Variants in APC observed in about 807,000 individuals in gnomAD.
APC encodes the protein adenomatous polyposis coli protein.
In APC, 72 loss-of-function variants were observed where a neutral mutation model predicts 247.0. That is an observed-to-expected ratio of 0.29 (90% confidence interval 0.24 to 0.35). The LOEUF is 0.35. APC is among the 10% of genes least tolerant of loss of function. APC has a pLI of 1.00. For synonymous variants in APC, 1,254 were observed against 1,162.5 expected, an observed-to-expected ratio of 1.08 and a Z score of -1.60; for missense variants, 3,400 against 3,360.7, an observed-to-expected ratio of 1.01 and a Z score of -0.29.
In APC at chr5:112,761,159, A is replaced by G. The variant is rs996129258; in HGVS notation, c.136-5167A>G. Among the ~76,000 whole-genome samples, 7 of 152,200 alleles carry G rather than the reference A, an allele frequency of 4.6e-5. 1 individual carries two copies. Among genetic ancestry groups the G allele is most frequent in the Admixed American group, 3.9e-4 (6 of 15,284 alleles). On this transcript the variant is annotated intron_variant, in intron 2 of 15. Transcript: ENST00000257430. ...ATTGGATTGAGGAGATCAGACCCCA[A>G]CAATGGAAAAGGCAGACTCTCTAGA...
chr5:112,831,175 C>A (rs1213355717), intron 14 of APC, among the ~76,000 whole-genome samples: 8 of 151,482 alleles, frequency 5.3e-5, no homozygotes. Context: ...GTGGCAGGAT[C>A]TCGGCTAACT....
intron 6 of APC, among the ~76,000 whole-genome samples, chr5:112,791,290 C>T (rs942199552): frequency 6.6e-6 from 1 of 152,134 alleles, no homozygotes; most frequent in Non-Finnish European, 1.5e-5. Context: ...CTTTATGATC[C>T]TAGTGTTGGA....
chr5:112,792,298 T>C (rs1283966210), intron 6 of APC, 148 bp from the exon 7 acceptor site: 14 of 524,374 alleles, frequency 2.7e-5, no homozygotes, highest in Non-Finnish European at 4.7e-5. Flanking sequence ...AATTTGTTAT[T>C]AAAGGGTGAA....
At chr5:112,831,254 A>G (rs1389826004) in intron 14 of APC, among the ~76,000 whole-genome samples, 1 of 152,104 alleles carries the variant, frequency 6.6e-6, no homozygotes, top group Non-Finnish European at 1.5e-5. Context: ...GATTATAGGC[A>G]TGCGCCACCA....
intron 1 of APC, 48 bp downstream of exon 1, chr5:112,737,973 G>T (rs1322682635): frequency 1.0e-6 from 1 of 972,078 alleles, no homozygotes; most frequent in South Asian, 4.7e-5. Context: ...GGGGAGGGGG[G>T]AAGGTGGTTT....
chr5:112,813,092 A>G (rs1762149380), intron 8 of APC, among the ~76,000 whole-genome samples: 1 of 152,242 alleles, frequency 6.6e-6, no homozygotes, highest in African/African-American at 2.4e-5. Flanking sequence ...CTATGCGAGT[A>G]TGAATAAGTG....
intron 15 of APC, 46 bp from the exon 16 acceptor site, chr5:112,837,507 A>T (rs1765061744): frequency 7.1e-7 from 1 of 1,408,480 alleles, no homozygotes; most frequent in East Asian, 2.3e-5. Context: ...TTGTTACTGC[A>T]TACACATTGT....
upstream of APC, among the ~76,000 whole-genome samples, chr5:112,734,878 C>T (rs763035936): frequency 2.0e-5 from 3 of 149,464 alleles, no homozygotes; most frequent in Non-Finnish European, 4.5e-5. Flanking sequence ...GCAGCCCCCA[C>T]CTCCCAGGTC....
chr5:112,783,342 G>A (rs903326967), intron 6 of APC, among the ~76,000 whole-genome samples: 23 of 152,060 alleles, frequency 1.5e-4, no homozygotes, highest in Non-Finnish European at 4.4e-5. Flanking sequence ...TGTATTTTGA[G>A]AAACATACGT....
At chr5:112,812,386 AG>A (rs1300476569) in intron 8 of APC, among the ~76,000 whole-genome samples, 1 of 152,338 alleles carries the variant, frequency 6.6e-6, no homozygotes, top group East Asian at 1.9e-4. Flanking sequence ...TATCCTCCTT[AG>A]CCTGAGTCTC....
At position 112,841,065 on chromosome 5, in the gene APC, A is replaced by G. The variant is rs776331454; in HGVS notation, c.5471A>G (p.Asn1824Ser). ...QNLKNNSKVFNDKLPNNEDRV... is the reference protein window; with the variant it reads ...QNLKNNSKVFSDKLPNNEDRV... ...TTGAAAAATAATTCCAAGGTCTTCA[A>G]TGATAAGCTCCCAAATAATGAAGAT... The change falls in exon 16 of 16, where the codon AAT (asparagine) becomes AGT (serine). Residue 1824 changes from asparagine (N) to serine (S), a missense_variant. This residue lies in a region of APC where 1,788 missense variants were observed against 1,649.5 expected (regional missense o/e 1.08). Transcript: ENST00000257430. The surrounding 1 kb of genome is among the most constrained non-coding windows in gnomAD (Gnocchi z 4.6). The G allele has an allele frequency of 1.9e-6, 3 of 1,612,504 alleles. No homozygotes were observed. Among genetic ancestry groups the G allele is most frequent in the Admixed American group, 1.7e-5 (1 of 60,012 alleles).
In APC at chr5:112,820,995, C is replaced by A. The variant is rs143414089; in HGVS notation, c.1313-901C>A. On this transcript the variant is annotated intron_variant, in intron 10 of 15. Coordinates refer to ENST00000257430, the MANE Select transcript of APC (RefSeq NM_000038.6). ...TCCTACCTCAGCCTCCTGAGAGTATCTGGGACTACAAGCATGTGCCACCAC... is the reference window on the plus strand; with the variant it reads ...TCCTACCTCAGCCTCCTGAGAGTATATGGGACTACAAGCATGTGCCACCAC... Among the ~76,000 whole-genome samples, 1,236 of 151,392 alleles carry A rather than the reference C, an allele frequency of 8.2e-3. 19 individuals are homozygous for A. The highest frequency in any genetic ancestry group is 0.029 in the African/African-American group (1,175 of 41,224).
At chr5:112,736,339 C>T (rs568911581), upstream of APC, among the ~76,000 whole-genome samples, 37 of 152,034 alleles carry the variant, frequency 2.4e-4, no homozygotes, top group Non-Finnish European at 4.4e-4. Flanking sequence ...AAATAACTCA[C>T]TTGTTAAATA....
rs1232501840 is a variant in APC at position 112,783,096 on chromosome 5, T to A, written c.645+2193T>A. 2.0e-5 allele frequency among the ~76,000 whole-genome samples: 3 copies of A among 151,912 alleles called. No individual in the cohort carries two copies. The East Asian group carries it at 5.8e-4, about 29-fold the overall frequency. On this transcript the variant is annotated intron_variant, in intron 6 of 15. Transcript: ENST00000257430. The stretch of plus-strand genomic sequence containing the variant: ...TTTTTCTGTGTCTGTTAATGTGAGC[T>A]TTTTTTTAGAGAGAGAGATCCTAAA...
intron 4 of APC, among the ~76,000 whole-genome samples, chr5:112,769,191 C>T (rs1194906263): frequency 2.6e-5 from 4 of 151,074 alleles, no homozygotes; most frequent in South Asian, 4.2e-4. Flanking sequence ...GCTGGGATTA[C>T]AGGCACGCCC....
intron 1 of APC, among the ~76,000 whole-genome samples, chr5:112,745,818 T>C (rs1473471637): frequency 6.6e-6 from 1 of 151,900 alleles, no homozygotes; most frequent in Non-Finnish European, 1.5e-5. Context: ...CCTCGCAAAG[T>C]ATGGGGATTA....
At chr5:112,782,980 T>C (rs1352331993) in intron 6 of APC, among the ~76,000 whole-genome samples, 1 of 152,238 alleles carries the variant, frequency 6.6e-6, no homozygotes, top group Non-Finnish European at 1.5e-5. Flanking sequence ...ATGTTAGGTT[T>C]ATTTGTTTCA....
chr5:112,788,923 T>C (rs766313943), intron 6 of APC, among the ~76,000 whole-genome samples: 2 of 152,300 alleles, frequency 1.3e-5, no homozygotes, highest in Non-Finnish European at 2.9e-5. Flanking sequence ...TTTGTTGTAT[T>C]GTGTAAGAAC....
At position 112,775,163 on chromosome 5, in the gene APC, C is replaced by A. The variant is rs903494381; in HGVS notation, c.423-466C>A. Among the ~76,000 whole-genome samples, 50 of 152,130 alleles carry A rather than the reference C, an allele frequency of 3.3e-4. 2 individuals are homozygous for A. ...CTTATTTCAAAATGACAGTATATTT[C>A]TTATTATTTTGGCTGCTGTGAAGCT... is the stretch of plus-strand genomic sequence containing the variant. On this transcript the variant is annotated intron_variant, in intron 4 of 15. Transcript: ENST00000257430.
Sources: allele counts gnomAD v4.1 joint callset (sites outside exome capture counted in the v4.1 genomes callset), GRCh38; gene constraint gnomAD v4.1.1; regional missense constraint gnomAD v4.1.1; non-coding constraint Gnocchi (gnomAD v3.1); transcripts MANE v1.5; gene names NCBI Gene and HGNC (gene_info 2026-07-23, HGNC 2026-07-21).